CTNND2: variants seen among roughly 807,000 people sequenced by gnomAD.
CTNND2 encodes the protein catenin delta 2.
CTNND2 carries 22 observed loss-of-function variants against 144.4 expected under a neutral mutation model. The observed-to-expected ratio is 0.15, with a 90% confidence interval of 0.11 to 0.22. The LOEUF is 0.22. Ranked by LOEUF, CTNND2 falls within the 10% of genes least tolerant of loss-of-function variation. The pLI, the probability that CTNND2 is intolerant of heterozygous loss-of-function variation, is 1.00. For synonymous variants in CTNND2, 751 were observed against 695.6 expected, an observed-to-expected ratio of 1.08 and a Z score of -1.25; for missense variants, 1,353 against 1,618.8, an observed-to-expected ratio of 0.84 and a Z score of 2.82.
At chr5:11,366,680 T>TAA (rs10714077) in intron 7 of CTNND2, among the ~76,000 whole-genome samples, 9 of 147,526 alleles carry the variant, frequency 6.1e-5, no homozygotes, top group African/African-American at 2.2e-4. Context: ...AATGTAAAAA[T>TAA]AAAAAAAAAA....
At chr5:11,446,253 G>A (rs1013506420) in intron 3 of CTNND2, among the ~76,000 whole-genome samples, 20 of 152,286 alleles carry the variant, frequency 1.3e-4, no homozygotes, top group East Asian at 3.9e-4. Flanking sequence ...GATTACAGGC[G>A]TGAGTCACCG....
At position 11,679,947 on chromosome 5, in the gene CTNND2, A is replaced by G. The variant is rs1346601603; in HGVS notation, c.174+52189T>C. On this transcript the variant is annotated intron_variant, in intron 2 of 21. Transcript: ENST00000304623. The stretch of plus-strand genomic sequence containing the variant: ...GATTGTGATGAATGTTCTAAAGCAC[A>G]ATCACAGGAATTACAGAAGAATAGA... Among the ~76,000 whole-genome samples the G allele has an allele frequency of 3.9e-5, 6 of 152,224 alleles. No individual in the cohort carries two copies. The South Asian group carries it at 1.2e-3, about 31-fold the overall frequency.
chr5:11,720,377 T>C (rs1786601467), intron 2 of CTNND2, among the ~76,000 whole-genome samples: 1 of 152,214 alleles, frequency 6.6e-6, no homozygotes, highest in Non-Finnish European at 1.5e-5. Context: ...TTCCTCAAGT[T>C]TGTAACTGAG....
At position 11,475,438 on chromosome 5, in the gene CTNND2, A is replaced by C. The variant is rs1581276392; in HGVS notation, c.288-63369T>G. 2.0e-5 allele frequency among the ~76,000 whole-genome samples: 3 copies of C among 152,352 alleles called. No homozygotes were observed. In the East Asian group the frequency reaches 5.8e-4, roughly 29 times the overall value. ...CATTTTGAATCAGTTTGGGTTCAAT[A>C]GCATTTATTATGTACCTAATTTGAG... On this transcript the variant is annotated intron_variant, in intron 3 of 21. Transcript: ENST00000304623.
chr5:11,824,883 G>A (rs994422317), intron 1 of CTNND2, among the ~76,000 whole-genome samples: 6 of 152,154 alleles, frequency 3.9e-5, no homozygotes, highest in African/African-American at 1.2e-4. Flanking sequence ...ACCCCAAACA[G>A]AGTAGGGGAA....
chr5:11,027,561 G>A (rs901719836), intron 16 of CTNND2, among the ~76,000 whole-genome samples: 8 of 152,120 alleles, frequency 5.3e-5, no homozygotes, highest in African/African-American at 1.7e-4. Context: ...TTTCATCAAT[G>A]ATGGACTAAC....
intron 3 of CTNND2, among the ~76,000 whole-genome samples, chr5:11,548,551 A>G (rs893711864): frequency 1.3e-5 from 2 of 152,204 alleles, no homozygotes; most frequent in African/African-American, 4.8e-5. Flanking sequence ...ACATTTTAAA[A>G]ATAGTCTATG....
At chr5:11,419,144 G>T (rs1762161991) in intron 3 of CTNND2, among the ~76,000 whole-genome samples, 5 of 151,666 alleles carry the variant, frequency 3.3e-5, no homozygotes, top group Admixed American at 2.6e-4. Context: ...TCTACAGGGG[G>T]TCAGAAGGGT....
chr5:11,018,053 G>A lies in CTNND2; in HGVS notation c.3005C>T (p.Ser1002Phe). ...AGATGCAGCCTTGACCACTTTTGGA[G>A]AGTGTCTGATGAAGAAAAGACAGGA... ...GISKSKGDKH[S>F]PKVVKAASQV... is the part of the protein sequence containing the mutation. Residue 1002 changes from serine to phenylalanine, a missense_variant, in exon 18 of 22, where the codon TCT becomes TTT. Ser to Phe is a radical substitution (Grantham distance 155). Transcript: ENST00000304623. 1 of 1,612,520 alleles carries A rather than the reference G, an allele frequency of 6.2e-7. No homozygotes were observed. Among genetic ancestry groups the A allele is most frequent in the South Asian group, 1.1e-5 (1 of 91,042 alleles).
At chr5:11,591,346 A>G (rs1488611706) in intron 2 of CTNND2, among the ~76,000 whole-genome samples, 1 of 152,202 alleles carries the variant, frequency 6.6e-6, no homozygotes, top group African/African-American at 2.4e-5. Flanking sequence ...AGATTGATAT[A>G]TCCCTCTTGT....
At chr5:11,823,032 T>C (rs936344916) in intron 1 of CTNND2, among the ~76,000 whole-genome samples, 3 of 152,210 alleles carry the variant, frequency 2.0e-5, no homozygotes, top group African/African-American at 7.2e-5. Context: ...CCTGTTAAAA[T>C]TACTCAATTA....
chr5:11,343,298 C>CA (rs1347323120), intron 9 of CTNND2, among the ~76,000 whole-genome samples: 2 of 152,284 alleles, frequency 1.3e-5, no homozygotes, highest in African/African-American at 4.8e-5. Flanking sequence ...TTTCAAAATG[C>CA]AGTATTTGCT....
chr5:11,094,480 CTTTT>C (rs35048441), intron 15 of CTNND2, among the ~76,000 whole-genome samples: 2 of 127,868 alleles, frequency 1.6e-5, no homozygotes, highest in Non-Finnish European at 3.3e-5. Context: ...AGAGTTCTTG[CTTTT>C]TTTTTTTTTT....
At chr5:11,731,414 CA>C (rs1256631693) in intron 2 of CTNND2, among the ~76,000 whole-genome samples, 4 of 152,186 alleles carry the variant, frequency 2.6e-5, no homozygotes, top group African/African-American at 9.7e-5. Context: ...TCACATAACC[CA>C]AACGCGGCAG....
chr5:11,640,991 C>T (rs149565540), intron 2 of CTNND2, among the ~76,000 whole-genome samples: 249 of 152,122 alleles, frequency 1.6e-3, no homozygotes, highest in Middle Eastern at 3.4e-3. Flanking sequence ...ACAATATGTT[C>T]GTTAATAAAA....
At chr5:11,539,010 GATTC>G (rs1774477314) in intron 3 of CTNND2, among the ~76,000 whole-genome samples, 1 of 152,036 alleles carries the variant, frequency 6.6e-6, no homozygotes, top group South Asian at 2.1e-4. Context: ...TTGCTATTAA[GATTC>G]ATTAATATTA....
At chr5:11,140,286 G>T (rs1406380643) in intron 12 of CTNND2, among the ~76,000 whole-genome samples, 3 of 152,154 alleles carry the variant, frequency 2.0e-5, no homozygotes, top group Non-Finnish European at 4.4e-5. Flanking sequence ...AAAGGAACAG[G>T]TTCAGGAAGT....
chr5:11,754,575 T>C (rs116602901), intron 1 of CTNND2, among the ~76,000 whole-genome samples: 274 of 151,910 alleles, frequency 1.8e-3, no homozygotes, highest in African/African-American at 6.1e-3. Flanking sequence ...TCCTCTATTA[T>C]TGTGTGGTTA....
intron 9 of CTNND2, among the ~76,000 whole-genome samples, chr5:11,309,146 G>T (rs990631184): frequency 6.6e-6 from 1 of 152,164 alleles, no homozygotes; most frequent in African/African-American, 2.4e-5. Flanking sequence ...ATCAGCACCC[G>T]CACAGAGTTC....
Sources: allele counts gnomAD v4.1 joint callset (sites outside exome capture counted in the v4.1 genomes callset), GRCh38; gene constraint gnomAD v4.1.1; transcripts MANE v1.5; gene names NCBI Gene and HGNC (gene_info 2026-07-23, HGNC 2026-07-21).